Variants in AGPAT3 observed in about 807,000 individuals in gnomAD.
AGPAT3 encodes 1-acyl-sn-glycerol-3-phosphate acyltransferase gamma.
AGPAT3 carries 5 observed loss-of-function variants against 47.3 expected under a neutral mutation model. The observed-to-expected ratio is 0.11, with a 90% confidence interval of 0.06 to 0.22. AGPAT3 has a LOEUF of 0.22. AGPAT3 is among the 10% of genes least tolerant of loss of function. The pLI is 1.00. For synonymous variants in AGPAT3, 212 were observed against 208.3 expected, an observed-to-expected ratio of 1.02 and a Z score of -0.15; for missense variants, 315 against 493.0, an observed-to-expected ratio of 0.64 and a Z score of 3.42.
intron 1 of AGPAT3, among the ~76,000 whole-genome samples, chr21:43,869,226 A>G (rs1405477083): frequency 6.6e-6 from 1 of 152,210 alleles, no homozygotes; most frequent in Admixed American, 6.5e-5. Context: ...TGGGAGTAAA[A>G]TGAAGAGCTG....
At position 43,968,234 on chromosome 21, in the gene AGPAT3, G is replaced by A; in HGVS notation, c.348+119G>A. 6 of 1,261,172 alleles carry A rather than the reference G, an allele frequency of 4.8e-6. No homozygotes were observed. The South Asian group carries it at 8.6e-5, about 18-fold the overall frequency. 78.1% of individuals were successfully genotyped at this position (1,261,172 alleles called of 1,614,324 possible). ...GGGGGTCCCTGCAGGGCTGGGGGTG[G>A]GGTGGTGACTGGGAGTGAGCTGGGC... is the stretch of plus-strand genomic sequence containing the variant. On this transcript the variant is annotated intron_variant, in intron 4 of 9. Transcript: ENST00000291572.
At chr21:43,910,260 C>T (rs906982702) in intron 2 of AGPAT3, among the ~76,000 whole-genome samples, 1 of 152,176 alleles carries the variant, frequency 6.6e-6, no homozygotes, top group African/African-American at 2.4e-5. Context: ...GCTGGTCCTG[C>T]GCCCGTGAGA....
intron 2 of AGPAT3, among the ~76,000 whole-genome samples, chr21:43,942,650 G>A (rs766641031): frequency 6.6e-6 from 1 of 152,246 alleles, no homozygotes; most frequent in African/African-American, 2.4e-5. Flanking sequence ...ATGGGCAGCA[G>A]GGGCTCCGAA....
chr21:43,944,066 G>A (rs1445669271), intron 2 of AGPAT3, among the ~76,000 whole-genome samples: 1 of 152,192 alleles, frequency 6.6e-6, no homozygotes, highest in African/African-American at 2.4e-5. Flanking sequence ...TCCACTTCAG[G>A]CGCCGCCTCT....
At chr21:43,905,151 A>G (rs961111716) in intron 2 of AGPAT3, among the ~76,000 whole-genome samples, 3 of 143,490 alleles carry the variant, frequency 2.1e-5, no homozygotes, top group African/African-American at 5.3e-5. Flanking sequence ...TTTTTTTAAA[A>G]AAAATATTTA....
chr21:43,909,036 A>G (rs534370596), intron 2 of AGPAT3, among the ~76,000 whole-genome samples: 1 of 152,332 alleles, frequency 6.6e-6, no homozygotes, highest in South Asian at 2.1e-4. Flanking sequence ...TCACCTGAAT[A>G]GGACTTCATT....
rs774734123 is a variant in AGPAT3 at position 43,978,134 on chromosome 21, T to C, written c.843+13T>C. On this transcript the variant is annotated intron_variant, in intron 8 of 9. Transcript: ENST00000291572. The stretch of plus-strand genomic sequence containing the variant: ...GTACCAGGAGAAGGTAAGCAGGCTC[T>C]GCTCCCGCTCAGGGTCCCGGTCTCC... The C allele has an allele frequency of 2.5e-6, 4 of 1,611,208 alleles. No individual in the cohort carries two copies. The East Asian group carries it at 8.9e-5, about 36-fold the overall frequency.
intron 2 of AGPAT3, among the ~76,000 whole-genome samples, chr21:43,941,778 C>G (rs563978612): frequency 6.6e-6 from 1 of 152,388 alleles, no homozygotes; most frequent in East Asian, 1.9e-4. Context: ...CGGACCGTTC[C>G]TGGCGCCTGG....
chr21:43,945,108 G>A (rs2087827344), intron 2 of AGPAT3, among the ~76,000 whole-genome samples: 1 of 152,234 alleles, frequency 6.6e-6, no homozygotes, highest in Non-Finnish European at 1.5e-5. Flanking sequence ...CCTATGACAA[G>A]GTGAGGCAGC....
intron 1 of AGPAT3, among the ~76,000 whole-genome samples, chr21:43,883,635 C>A (rs535128062): frequency 2.0e-5 from 3 of 152,244 alleles, no homozygotes; most frequent in African/African-American, 7.2e-5. Context: ...GCTCTGTTGC[C>A]CAGGCTGGAG....
chr21:43,876,866 TG>T (rs2085744806), intron 1 of AGPAT3, among the ~76,000 whole-genome samples: 1 of 151,848 alleles, frequency 6.6e-6, no homozygotes, highest in South Asian at 2.1e-4. Flanking sequence ...TTGTTTTATT[TG>T]TTTTTTTTTG....
At chr21:43,894,428 A>G (rs553049910) in intron 1 of AGPAT3, among the ~76,000 whole-genome samples, 45 of 151,540 alleles carry the variant, frequency 3.0e-4, no homozygotes, top group Non-Finnish European at 6.0e-4. Flanking sequence ...TTGTGGAGAT[A>G]TAGTTCACCC....
At chr21:43,980,880 C>A in intron 8 of AGPAT3, 109 bp from the exon 9 acceptor site, 1 of 1,075,014 alleles carries the variant, frequency 9.3e-7, no homozygotes, top group Non-Finnish European at 1.4e-6. Flanking sequence ...ATTGACGTGG[C>A]GCTTTTTTTA....
intron 1 of AGPAT3, among the ~76,000 whole-genome samples, chr21:43,887,799 C>T (rs888147820): frequency 1.3e-5 from 2 of 152,124 alleles, no homozygotes; most frequent in East Asian, 1.9e-4. Context: ...GGACTATAGG[C>T]GCCCGCCATC....
rs186708657 is a variant in AGPAT3, at chr21:43,939,498, C to T, written c.-48-20136C>T. Among the ~76,000 whole-genome samples, 3 of 152,326 alleles carry T rather than the reference C, an allele frequency of 2.0e-5. No homozygotes were observed. Among genetic ancestry groups the T allele is most frequent in the Admixed American group, 2.0e-4 (3 of 15,306 alleles). On this transcript the variant is annotated intron_variant, in intron 2 of 9. Coordinates refer to ENST00000291572, the MANE Select transcript of AGPAT3 (RefSeq NM_020132.5). This position sits in a 1 kb window ranked among gnomAD's most constrained non-coding sequence, Gnocchi z 4.4. ...CTTCTGGAGGATAAGAGGCGGCCCA[C>T]CCCACAGCTCTTCCAGCGTGGGAGC...
intron 1 of AGPAT3, among the ~76,000 whole-genome samples, chr21:43,870,078 C>T (rs1028395310): frequency 4.6e-5 from 7 of 152,152 alleles, no homozygotes; most frequent in African/African-American, 7.2e-5. Flanking sequence ...ACTCATTATG[C>T]GGCACGGGCG....
chr21:43,913,259 T>C (rs777628308), intron 2 of AGPAT3, among the ~76,000 whole-genome samples: 1 of 152,212 alleles, frequency 6.6e-6, no homozygotes, highest in African/African-American at 2.4e-5. Context: ...CATAGTCATA[T>C]GAAGAGCAGT....
rs1332994771 is a variant in AGPAT3, at chr21:43,922,979, T to C, written c.-49+18960T>C. ...TTCTGTGTCAGGAGTCCCTGTTTCT[T>C]TCTCCCCATGCTCACACGGGGTTTT... is the stretch of plus-strand genomic sequence containing the variant. On this transcript the variant is annotated intron_variant, in intron 2 of 9. Transcript: ENST00000291572. The surrounding 1 kb of genome is among the most constrained non-coding windows in gnomAD (Gnocchi z 4.9). Among the ~76,000 whole-genome samples the C allele has an allele frequency of 6.6e-6, 1 of 152,182 alleles. No individual in the cohort carries two copies. Among genetic ancestry groups the C allele is most frequent in the Non-Finnish European group, 1.5e-5 (1 of 68,014 alleles).
intron 3 of AGPAT3, chr21:43,966,196 C>A (rs1265815754): frequency 2.0e-5 from 3 of 152,242 alleles, no homozygotes. Context: ...CCACAGGTGA[C>A]CTTTGGATGG....
Sources: gnomAD v4.1 joint callset for allele counts (sites outside exome capture counted in the v4.1 genomes callset) on GRCh38, gnomAD v4.1.1 for gene constraint, Gnocchi (gnomAD v3.1) non-coding constraint, MANE v1.5 for transcripts, NCBI Gene and HGNC (gene_info 2026-07-23, HGNC 2026-07-21) for gene names.